Variants in JADE1 observed in about 807,000 individuals in gnomAD.
The protein encoded by JADE1 is protein Jade-1.
In JADE1, 14 loss-of-function variants were observed where a neutral mutation model predicts 81.8. The ratio of observed to expected loss-of-function variants is 0.17; its 90% CI spans 0.11 to 0.27. The LOEUF (loss-of-function observed/expected upper bound fraction) is 0.27, where lower values mean the gene tolerates loss of function less well. Among genes scored for constraint, JADE1 ranks in the 10% least tolerant of loss-of-function variants. The pLI is 1.00. For synonymous variants in JADE1, 353 were observed against 391.9 expected (o/e 0.90, Z 1.17); for missense variants, 690 against 1,047.9 (o/e 0.66, Z 4.71).
Position 128,872,126 on chromosome 4 carries a change from A to C in JADE1, c.2393A>C (p.Asn798Thr). The C allele has an allele frequency of 6.2e-7, 1 of 1,614,186 alleles. No homozygotes were observed. The change falls in exon 11 of 11, where the codon AAT becomes ACT. Residue 798 changes from asparagine (N) to threonine (T), a missense_variant. By Grantham distance (65) the Asn-to-Thr change is moderately conservative (BLOSUM62 0). Around this residue, in one of 8 missense-constraint regions of JADE1, gnomAD observed 218 missense variants for 274.3 expected, o/e 0.79. Transcript: ENST00000226319. ...ERAKSKLKSD[N>T]ENDGYVPDVE... The stretch of plus-strand genomic sequence containing the variant: ...GCAAAAAGCAAATTAAAATCCGACA[A>C]TGAGAATGACGGGTATGTCCCCGAT...
At chr4:128,833,442 GCCTGTATTC>G (rs1273301356) in intron 2 of JADE1, among the ~76,000 whole-genome samples, 1 of 152,142 alleles carries the variant, frequency 6.6e-6, no homozygotes, top group African/African-American at 2.4e-5. Flanking sequence ...GGTGGCTCAC[GCCTGTATTC>G]CCCAGCACTT....
intron 1 of JADE1, among the ~76,000 whole-genome samples, chr4:128,816,846 C>T (rs1242134697): frequency 6.6e-6 from 1 of 150,734 alleles, no homozygotes; most frequent in Non-Finnish European, 1.5e-5. Flanking sequence ...TTTTTTTGGG[C>T]TTACTTGTTG....
At position 128,871,652 on chromosome 4, in the gene JADE1, C is replaced by G. The variant is rs1316449179; in HGVS notation, c.1919C>G (p.Ala640Gly). ...FLGLEKTFAE[A>G]RLISAQQKNG... ...GGTTTAGAAAAGACCTTTGCAGAAG[C>G]ACGTCTCATATCAGCACAACAGAAA... The change falls in exon 11 of 11, where the codon GCA (alanine) becomes GGA (glycine). Residue 640 changes from alanine (A) to glycine (G), a missense_variant. By Grantham distance (60) the Ala-to-Gly change is moderately conservative (BLOSUM62 0). Coordinates refer to ENST00000226319, the MANE Select transcript of JADE1 (RefSeq NM_199320.4). The surrounding 1 kb of genome is among the most constrained non-coding windows in gnomAD (Gnocchi z 4.1). 2 of 1,614,212 alleles carry G rather than the reference C, an allele frequency of 1.2e-6. No individual in the cohort carries two copies. The highest frequency in any genetic ancestry group is 1.7e-6 in the Non-Finnish European group (2 of 1,180,046).
At chr4:128,853,374 T>TTAA (rs929222328) in intron 6 of JADE1, among the ~76,000 whole-genome samples, 2 of 152,216 alleles carry the variant, frequency 1.3e-5, no homozygotes, top group Non-Finnish European at 2.9e-5. Context: ...TGTGAGCATG[T>TTAA]GTTAGGGTAT....
intron 7 of JADE1, 56 bp from the exon 8 acceptor site, chr4:128,857,282 C>T (rs1730874983): frequency 7.8e-7 from 1 of 1,283,158 alleles, no homozygotes; most frequent in East Asian, 2.3e-5. Flanking sequence ...TTCTGACATT[C>T]ATGTTCAGCC....
chr4:128,871,672 C>T lies in JADE1; in HGVS notation c.1939C>T (p.Gln647Ter). The change falls in exon 11 of 11, where the codon CAG becomes TAG. Residue 647 changes from glutamine (Q) to a stop codon, truncating the protein, a stop_gained. Transcript: ENST00000226319. LOFTEE classifies it high-confidence loss of function. The surrounding 1 kb of genome is among the most constrained non-coding windows in gnomAD (Gnocchi z 4.1). The part of the protein sequence containing the change: ...FAEARLISAQ[Q>*]KNGVVMPDHG... ...AGAAGCACGTCTCATATCAGCACAA[C>T]AGAAAAATGGTGTGGTGATGCCAGA... 1.2e-6 allele frequency: 2 copies of T among 1,614,122 alleles called. No individual in the cohort carries two copies. Among genetic ancestry groups the T allele is most frequent in the Non-Finnish European group, 1.7e-6 (2 of 1,180,014 alleles).
chr4:128,823,759 A>G (rs1430763397), intron 1 of JADE1, among the ~76,000 whole-genome samples: 1 of 152,222 alleles, frequency 6.6e-6, no homozygotes, highest in East Asian at 1.9e-4. Flanking sequence ...CTTTAGTTAA[A>G]TTGAGAATCT....
In JADE1 at chr4:128,862,171, T is replaced by A. The variant is rs1731393017; in HGVS notation, c.1449T>A (p.Asp483Glu). 6.2e-7 allele frequency: 1 copy of A among 1,614,032 alleles called. No individual in the cohort carries two copies. Among genetic ancestry groups the A allele is most frequent in the Non-Finnish European group, 8.5e-7 (1 of 1,180,028 alleles). ...EEDNLAKREQ[D>E]VLFRRLQLFT... Reference sequence around the variant, plus strand: ...ACAATCTAGCCAAGCGGGAGCAGGATGTCTTATTTAGGAGGCTGCAGCTGT... The same window carrying A: ...ACAATCTAGCCAAGCGGGAGCAGGAAGTCTTATTTAGGAGGCTGCAGCTGT... The change falls in exon 9 of 11, where the codon GAT becomes GAA. Residue 483 changes from aspartate to glutamate, a missense_variant. Asp to Glu is a conservative substitution (Grantham distance 45). This residue lies in a region of JADE1 where 63 missense variants were observed against 138.4 expected (regional missense o/e 0.46). Coordinates refer to ENST00000226319, the MANE Select transcript of JADE1 (RefSeq NM_199320.4).
chr4:128,837,153 C>T (rs746685700), intron 2 of JADE1, among the ~76,000 whole-genome samples: 3 of 152,160 alleles, frequency 2.0e-5, no homozygotes, highest in African/African-American at 7.2e-5. Context: ...TGTGGGCCCT[C>T]TCTGGTCTCC....
At chr4:128,859,744 G>A (rs1366721704) in intron 8 of JADE1, among the ~76,000 whole-genome samples, 5 of 152,296 alleles carry the variant, frequency 3.3e-5, no homozygotes, top group South Asian at 2.1e-4. Flanking sequence ...AGAGGTGGGC[G>A]AATGGGATCT....
chr4:128,863,101 G>GGCATTTC (rs1393546069), intron 9 of JADE1: 2 of 985,572 alleles, frequency 2.0e-6, no homozygotes, highest in African/African-American at 3.5e-5. Context: ...CTCAGCTGCT[G>GGCATTTC]GCATTTCCTT....
intron 9 of JADE1, 59 bp downstream of exon 9, chr4:128,862,284 C>CG (rs1731402383): frequency 1.2e-6 from 2 of 1,605,082 alleles, no homozygotes; most frequent in African/African-American, 2.7e-5. Context: ...AAGAGGCGAA[C>CG]GCTCGCCCAG....
At position 128,873,876 on chromosome 4, in the gene JADE1, A is replaced by AT. The variant is rs1427930616; in HGVS notation, c.*1616dup. On this transcript the variant is annotated 3_prime_UTR_variant, in exon 11 of 11. Transcript: ENST00000226319. Reference sequence around the variant, plus strand: ...TGATTGTCAACAACAAAAAAGGCTTATTGAATCCCATCTTGCTATGCAAGT... The same window carrying AT: ...TGATTGTCAACAACAAAAAAGGCTTATTTGAATCCCATCTTGCTATGCAAGT... 1.3e-5 allele frequency: 2 copies of AT among 152,686 alleles called. No individual in the cohort carries two copies. Among genetic ancestry groups the AT allele is most frequent in the African/African-American group, 4.8e-5 (2 of 41,470 alleles). The allele number at this position is 152,686 out of a possible 1,614,324, so 9.5% of individuals were successfully genotyped here.
At chr4:128,842,503 T>C (rs527296945) in intron 2 of JADE1, among the ~76,000 whole-genome samples, 1 of 152,312 alleles carries the variant, frequency 6.6e-6, no homozygotes, top group Admixed American at 6.5e-5. Flanking sequence ...TTTCACCAAG[T>C]TGGCCAGGCA....
intron 9 of JADE1, chr4:128,864,512 TG>T: frequency 3.0e-6 from 3 of 985,350 alleles, no homozygotes; most frequent in Non-Finnish European, 2.4e-6. Context: ...ATGCCTGTGA[TG>T]GTGAAGGCAT....
chr4:128,837,621 A>G (rs1201932087), intron 2 of JADE1, among the ~76,000 whole-genome samples: 2 of 152,238 alleles, frequency 1.3e-5, no homozygotes, highest in African/African-American at 4.8e-5. Flanking sequence ...GGGAATTAAC[A>G]CAGCATTGCT....
In JADE1 at chr4:128,862,202, C is replaced by T; in HGVS notation, c.1480C>T (p.His494Tyr). ...VLFRRLQLFT[H>Y]LRQDLERVRN... ...ATTTAGGAGGCTGCAGCTGTTCACG[C>T]ACCTGCGGCAGGACCTGGAGAGGGT... The change falls in exon 9 of 11, where the codon CAC (histidine) becomes TAC (tyrosine). Residue 494 changes from histidine (H) to tyrosine (Y), a missense_variant. Coordinates refer to ENST00000226319, the MANE Select transcript of JADE1 (RefSeq NM_199320.4). The T allele has an allele frequency of 1.2e-6, 2 of 1,614,210 alleles. No homozygotes were observed. Among genetic ancestry groups the T allele is most frequent in the South Asian group, 1.1e-5 (1 of 91,088 alleles).
chr4:128,865,584 G>T (rs1353623480), intron 9 of JADE1, among the ~76,000 whole-genome samples: 1 of 152,152 alleles, frequency 6.6e-6, no homozygotes, highest in East Asian at 1.9e-4. Context: ...GCTGAGCGTT[G>T]TCCTATAGGG....
At chr4:128,864,075 G>C in intron 9 of JADE1, 1 of 985,122 alleles carries the variant, frequency 1.0e-6, no homozygotes, top group Non-Finnish European at 1.2e-6. Flanking sequence ...CAGGATTTGT[G>C]TGTGTATGTG....
Sources: allele counts gnomAD v4.1 joint callset (sites outside exome capture counted in the v4.1 genomes callset), GRCh38; gene constraint gnomAD v4.1.1; regional missense constraint gnomAD v4.1.1; non-coding constraint Gnocchi (gnomAD v3.1); transcripts MANE v1.5; gene names NCBI Gene and HGNC (gene_info 2026-07-23, HGNC 2026-07-21).